Variants in TLK1 observed in about 807,000 individuals in gnomAD.
TLK1 encodes tousled like kinase 1.
In TLK1, 24 loss-of-function variants were observed where a neutral mutation model predicts 105.3. That is an observed-to-expected ratio of 0.23 (90% CI 0.17 to 0.32). TLK1 has a LOEUF of 0.32. TLK1 is among the 10% of genes least tolerant of loss of function. The probability of loss-of-function intolerance (pLI) is 1.00; values close to 1 mark genes in which losing one functional copy is unlikely to be tolerated. For missense variants in TLK1, 558 were observed against 910.5 expected (o/e 0.61, Z 4.98); for synonymous variants, 321 against 310.4 (o/e 1.03, Z -0.36).
rs112511658 is a variant in TLK1 at position 171,136,974 on chromosome 2, T to C, written c.140-19117A>G. Among the ~76,000 whole-genome samples, 546 of 152,358 alleles carry C rather than the reference T, an allele frequency of 3.6e-3. 6 individuals carry two copies. The highest frequency in any genetic ancestry group is 0.012 in the African/African-American group (503 of 41,582). On this transcript the variant is annotated intron_variant, in intron 1 of 20. Transcript: ENST00000431350. ...ATCCCACTTGTTAGCATATTGTCTA[T>C]GGCTGCACTTTACCACACAAACACA...
At chr2:171,026,634 T>A (rs918459135) in intron 12 of TLK1, among the ~76,000 whole-genome samples, 1 of 152,160 alleles carries the variant, frequency 6.6e-6, no homozygotes, top group African/African-American at 2.4e-5. Context: ...TAAATAAGTA[T>A]TCCTTTATCA....
intron 1 of TLK1, among the ~76,000 whole-genome samples, chr2:171,207,871 GT>G: frequency 6.6e-6 from 1 of 152,060 alleles, no homozygotes; most frequent in Non-Finnish European, 1.5e-5. Flanking sequence ...GATTACAGCT[GT>G]CTGCCACCAC....
chr2:171,127,290 A>G (rs1427619918), intron 1 of TLK1, among the ~76,000 whole-genome samples: 5 of 137,430 alleles, frequency 3.6e-5, no homozygotes, highest in Non-Finnish European at 8.2e-5. Flanking sequence ...AAAAAAAAAA[A>G]AAAGAAAGAA....
At chr2:171,106,202 G>T (rs934002755) in intron 2 of TLK1, among the ~76,000 whole-genome samples, 1 of 152,140 alleles carries the variant, frequency 6.6e-6, no homozygotes, top group South Asian at 2.1e-4. Context: ...GGCGGGAGGG[G>T]ACAGCCAACA....
intron 1 of TLK1, among the ~76,000 whole-genome samples, chr2:171,213,421 T>C (rs146646574): frequency 1.1e-3 from 171 of 151,978 alleles, no homozygotes; most frequent in African/African-American, 3.9e-3. Flanking sequence ...CAGGTGGATC[T>C]TGAATTCCTG....
chr2:171,089,865 ATTC>A (rs1689152166), intron 2 of TLK1, among the ~76,000 whole-genome samples: 1 of 152,114 alleles, frequency 6.6e-6, no homozygotes, highest in African/African-American at 2.4e-5. Context: ...ACCACAAAAT[ATTC>A]TTGATATCTA....
At chr2:171,003,705 C>T (rs1201715905) in intron 18 of TLK1, among the ~76,000 whole-genome samples, 2 of 152,198 alleles carry the variant, frequency 1.3e-5, no homozygotes, top group Non-Finnish European at 2.9e-5. Flanking sequence ...GGTGTAGCTA[C>T]AAAATTATTA....
intron 12 of TLK1, among the ~76,000 whole-genome samples, chr2:171,023,412 CAT>C (rs1326053168): frequency 7.0e-6 from 1 of 143,154 alleles, no homozygotes; most frequent in African/African-American, 2.9e-5. Flanking sequence ...TGCACTCACA[CAT>C]ACACACACAC....
intron 1 of TLK1, among the ~76,000 whole-genome samples, chr2:171,123,613 G>A (rs1325699611): frequency 6.6e-6 from 1 of 152,200 alleles, no homozygotes; most frequent in Non-Finnish European, 1.5e-5. Flanking sequence ...TCCGAGACCA[G>A]CCTGGGCAAC....
chr2:171,066,783 T>C (rs1316713157), intron 3 of TLK1: 3 of 1,517,624 alleles, frequency 2.0e-6, no homozygotes, highest in Non-Finnish European at 8.9e-7. Flanking sequence ...CTTTATTTGT[T>C]AAACAGTATA....
chr2:171,160,459 C>CT lies in TLK1; in HGVS notation c.-32_-31insA, dbSNP rs764455704. On this transcript the variant is annotated 5_prime_UTR_variant, in exon 1 of 21. Transcript: ENST00000431350. This position sits in a 1 kb window ranked among gnomAD's most constrained non-coding sequence, Gnocchi z 4.4. The stretch of plus-strand genomic sequence containing the variant: ...TACTTTCTGGGAACCCGACTCCCCC[C>CT]CTGCGACGGCAGCGGCGGCAACGGC... 1 of 1,583,230 alleles carries CT rather than the reference C, an allele frequency of 6.3e-7. No individual in the cohort carries two copies. The highest frequency in any genetic ancestry group is 1.1e-5 in the South Asian group (1 of 87,900).
intron 1 of TLK1, among the ~76,000 whole-genome samples, chr2:171,194,850 A>G (rs548389210): frequency 3.6e-4 from 54 of 151,034 alleles, no homozygotes; most frequent in African/African-American, 1.1e-3. Context: ...AGTAAAAGCC[A>G]TTGTAATTAT....
intron 1 of TLK1, among the ~76,000 whole-genome samples, chr2:171,205,512 T>C (rs770648713): frequency 5.9e-5 from 9 of 152,036 alleles, no homozygotes; most frequent in Non-Finnish European, 1.0e-4. Context: ...TTTGTACAAA[T>C]GAGGTTTTGC....
intron 11 of TLK1, among the ~76,000 whole-genome samples, chr2:171,044,849 C>T (rs1367486700): frequency 6.6e-6 from 1 of 152,050 alleles, no homozygotes; most frequent in African/African-American, 2.4e-5. Context: ...AGTGCTGCTA[C>T]GTAAGTTAAA....
chr2:171,057,175 T>C (rs1370615655), intron 5 of TLK1, among the ~76,000 whole-genome samples: 2 of 152,062 alleles, frequency 1.3e-5, no homozygotes, highest in Non-Finnish European at 2.9e-5. Flanking sequence ...TTTTCTCCTA[T>C]TTCAAGTTCA....
chr2:171,019,961 G>A (rs1269506800), intron 12 of TLK1, among the ~76,000 whole-genome samples: 1 of 151,762 alleles, frequency 6.6e-6, no homozygotes, highest in Non-Finnish European at 1.5e-5. Context: ...GGGAGGATGA[G>A]GCACGAGAAT....
chr2:171,091,217 T>C (rs1373103726), intron 2 of TLK1, among the ~76,000 whole-genome samples: 1 of 152,224 alleles, frequency 6.6e-6, no homozygotes, highest in East Asian at 1.9e-4. Context: ...CAGAAAAAGT[T>C]TGCCGACCTC....
intron 1 of TLK1, among the ~76,000 whole-genome samples, chr2:171,125,106 A>G (rs1301026723): frequency 3.3e-5 from 5 of 152,232 alleles, no homozygotes; most frequent in Admixed American, 3.3e-4. Flanking sequence ...CAATTTAATT[A>G]ACTCAACATC....
chr2:171,000,761 T>C (rs1684327575), intron 18 of TLK1, among the ~76,000 whole-genome samples: 1 of 152,178 alleles, frequency 6.6e-6, no homozygotes, highest in Non-Finnish European at 1.5e-5. Flanking sequence ...ACCACTTGCT[T>C]TAGTTTCAGT....
Sources: gnomAD v4.1 joint callset for allele counts (sites outside exome capture counted in the v4.1 genomes callset) on GRCh38, gnomAD v4.1.1 for gene constraint, Gnocchi (gnomAD v3.1) non-coding constraint, MANE v1.5 for transcripts, NCBI Gene and HGNC (gene_info 2026-07-23, HGNC 2026-07-21) for gene names.